Variants in SACS observed in about 807,000 individuals in gnomAD.
SACS encodes the protein sacsin.
Under a neutral mutation model 348.0 loss-of-function variants are expected in SACS, and 197 were observed. The observed-to-expected ratio is 0.57, with a 90% confidence interval of 0.50 to 0.64. SACS has a LOEUF of 0.64. Among genes scored for constraint, SACS ranks in the 30% least tolerant of loss-of-function variants. The probability of loss-of-function intolerance (pLI) is 0.00; values close to 1 mark genes in which losing one functional copy is unlikely to be tolerated. For missense variants in SACS, 4,999 were observed against 5,360.8 expected (o/e 0.93, Z 2.11); for synonymous variants, 1,985 against 1,910.6 (o/e 1.04, Z -1.02).
Position 23,334,440 on chromosome 13 carries a change from T to C in SACS, c.9436A>G (p.Asn3146Asp), listed in dbSNP as rs1429622546. Residue 3146 changes from asparagine (N) to aspartate (D), a missense_variant, in exon 10 of 10, where the codon AAT (asparagine) becomes GAT (aspartate). Physicochemically the swap from Asn to Asp is conservative, Grantham distance 23. Around this residue, in one of 6 missense-constraint regions of SACS, gnomAD observed 734 missense variants for 694.0 expected, o/e 1.06. Transcript: ENST00000382292. Reference protein sequence around the residue: ...VDYCFKDAEENEIEVEGLPLL... With the variant: ...VDYCFKDAEEDEIEVEGLPLL... ...GGCAATCCCTCAACTTCAATCTCAT[T>C]TTCTTCTGCATCTTTAAAACAATAA... 6.2e-7 allele frequency: 1 copy of C among 1,612,618 alleles called. No homozygotes were observed. The highest frequency in any genetic ancestry group is 1.1e-5 in the South Asian group (1 of 91,072).
Position 23,340,785 on chromosome 13 carries a change from G to A in SACS, c.3091C>T (p.Leu1031Phe), listed in dbSNP as rs1869133471. 6.2e-7 allele frequency: 1 copy of A among 1,606,074 alleles called. No homozygotes were observed. Among genetic ancestry groups the A allele is most frequent in the Non-Finnish European group, 8.5e-7 (1 of 1,176,338 alleles). ...SSLKNENPNV[L>F]EWLTPLKFIQ... Reference sequence around the variant, plus strand: ...AATTTTAATGGTGTTAACCACTCAAGCACATTTGGATTCTCATTTTTAAGA... The same window carrying A: ...AATTTTAATGGTGTTAACCACTCAAACACATTTGGATTCTCATTTTTAAGA... The change falls in exon 10 of 10, where the codon CTT (leucine) becomes TTT (phenylalanine). Residue 1031 changes from leucine (L) to phenylalanine (F), a missense_variant. Physicochemically the swap from Leu to Phe is conservative, Grantham distance 22. This residue lies in a region of SACS where 3,156 missense variants were observed against 3,380.1 expected (regional missense o/e 0.93). Transcript: ENST00000382292.
At chr13:23,433,207 C>T (rs1228666954) in intron 1 of SACS, among the ~76,000 whole-genome samples, 1 of 152,164 alleles carries the variant, frequency 6.6e-6, no homozygotes, top group Non-Finnish European at 1.5e-5. Flanking sequence ...GGACCCCACG[C>T]TGTGTTACTG....
At chr13:23,396,609 A>C (rs1161401163) in intron 2 of SACS, among the ~76,000 whole-genome samples, 1 of 152,192 alleles carries the variant, frequency 6.6e-6, no homozygotes, top group Non-Finnish European at 1.5e-5. Flanking sequence ...AAGATGCAGT[A>C]AAAATGAATT....
At position 23,341,297 on chromosome 13, in the gene SACS, T is replaced by C. The variant is rs1324275160; in HGVS notation, c.2579A>G (p.Gln860Arg). The change falls in exon 10 of 10, where the codon CAA (glutamine) becomes CGA (arginine). Residue 860 changes from glutamine to arginine, a missense_variant. Physicochemically the swap from Gln to Arg is conservative, Grantham distance 43 (BLOSUM62 1). Around this residue, in one of 6 missense-constraint regions of SACS, gnomAD observed 3,156 missense variants for 3,380.1 expected, o/e 0.93. Coordinates refer to ENST00000382292, the MANE Select transcript of SACS (RefSeq NM_014363.6). Reference protein sequence around the residue: ...FVLKKLDASIQHPLIKKYIHS... With the variant: ...FVLKKLDASIRHPLIKKYIHS... ...AATATATTTTTTAATAAGCGGATGT[T>C]GTATAGATGCATCTAATTTTTTAAG... 2 of 1,607,970 alleles carry C rather than the reference T, an allele frequency of 1.2e-6. No homozygotes were observed. Among genetic ancestry groups the C allele is most frequent in the African/African-American group, 2.7e-5 (2 of 74,630 alleles).
In SACS at chr13:23,331,826, C is replaced by G; in HGVS notation, c.12050G>C (p.Arg4017Thr). ...ATTATCATTTTCATGCTTCATAATT[C>G]TAATCAGTCCTGTAATGAACTGTTC... ...SSEQFITGLI[R>T]IMKHENDNAF... The change falls in exon 10 of 10, where the codon AGA becomes ACA. Residue 4017 changes from arginine to threonine, a missense_variant. Coordinates refer to ENST00000382292, the MANE Select transcript of SACS (RefSeq NM_014363.6). 1 of 1,614,018 alleles carries G rather than the reference C, an allele frequency of 6.2e-7. No homozygotes were observed. The highest frequency in any genetic ancestry group is 8.5e-7 in the Non-Finnish European group (1 of 1,179,944).
chr13:23,393,429 C>T (rs1303087291), intron 2 of SACS, among the ~76,000 whole-genome samples: 3 of 152,148 alleles, frequency 2.0e-5, no homozygotes, highest in Non-Finnish European at 4.4e-5. Flanking sequence ...TGGCCCCAAG[C>T]CCACGTCCTC....
At position 23,337,278 on chromosome 13, in the gene SACS, C is replaced by A; in HGVS notation, c.6598G>T (p.Asp2200Tyr). Residue 2200 changes from aspartate (D) to tyrosine (Y), a missense_variant, in exon 10 of 10, where the codon GAT becomes TAT. This residue lies in a region of SACS where 3,156 missense variants were observed against 3,380.1 expected (regional missense o/e 0.93). Coordinates refer to ENST00000382292, the MANE Select transcript of SACS (RefSeq NM_014363.6). Reference sequence around the variant, plus strand: ...GCAGCAAAATCCTTTGCTCTAGGATCCCTTATTTTTAGTTTCTCATCGATA... The same window carrying A: ...GCAGCAAAATCCTTTGCTCTAGGATACCTTATTTTTAGTTTCTCATCGATA... ...SLIDEKLKIR[D>Y]PRAKDFAAKY... 6.2e-7 allele frequency: 1 copy of A among 1,613,800 alleles called. No individual in the cohort carries two copies. The highest frequency in any genetic ancestry group is 8.5e-7 in the Non-Finnish European group (1 of 1,179,862).
At position 23,334,484 on chromosome 13, in the gene SACS, C is replaced by G. The variant is rs763877740; in HGVS notation, c.9392G>C (p.Ser3131Thr). The part of the protein sequence containing the change: ...LQQTNLKLFH[S>T]LKLLVDYCFK... ...ACAATAATCAACTAAAAGTTTTAAA[C>G]TATGAAAAAGTTTTAGATTAGTCTG... is the stretch of plus-strand genomic sequence containing the variant. Residue 3131 changes from serine to threonine, a missense_variant, in exon 10 of 10, where the codon AGT (serine) becomes ACT (threonine). Coordinates refer to ENST00000382292, the MANE Select transcript of SACS (RefSeq NM_014363.6). 2 of 1,612,822 alleles carry G rather than the reference C, an allele frequency of 1.2e-6. No homozygotes were observed. The highest frequency in any genetic ancestry group is 1.7e-6 in the Non-Finnish European group (2 of 1,179,752).
chr13:23,383,830 C>T (rs1409638639), intron 2 of SACS, among the ~76,000 whole-genome samples: 1 of 152,146 alleles, frequency 6.6e-6, no homozygotes, highest in Non-Finnish European at 1.5e-5. Context: ...TTGCTAAGTC[C>T]CCCTCTGGAG....
chr13:23,422,419 A>G (rs1023172090), intron 1 of SACS, among the ~76,000 whole-genome samples: 1 of 152,218 alleles, frequency 6.6e-6, no homozygotes, highest in African/African-American at 2.4e-5. Flanking sequence ...CCACATGTGA[A>G]TATACAAATA....
rs200346760 is a variant in SACS, at chr13:23,336,390, G to C, written c.7486C>G (p.Leu2496Val). 2.5e-6 allele frequency: 4 copies of C among 1,614,072 alleles called. No individual in the cohort carries two copies. Among genetic ancestry groups the C allele is most frequent in the East Asian group, 2.2e-5 (1 of 44,876 alleles). The change falls in exon 10 of 10, where the codon CTA (leucine) becomes GTA (valine). Residue 2496 changes from leucine (L) to valine (V), a missense_variant. Coordinates refer to ENST00000382292, the MANE Select transcript of SACS (RefSeq NM_014363.6). ...ADIPREVAVK[L>V]GAVPKRHKAL... ...TTGTGTCGCTTTGGGACTGCTCCTA[G>C]TTTTACTGCTACTTCCCTGGGTATG...
chr13:23,425,160 T>G (rs1026926005), intron 1 of SACS, among the ~76,000 whole-genome samples: 3 of 151,836 alleles, frequency 2.0e-5, no homozygotes, highest in Non-Finnish European at 2.9e-5. Context: ...GGTCAGGGTG[T>G]CCACCTGGGG....
chr13:23,420,079 G>T (rs4770444), intron 1 of SACS, among the ~76,000 whole-genome samples: 149,398 of 152,246 alleles, frequency 0.98, 73,359 homozygotes, highest in East Asian at 1. Context: ...GATAGTCACC[G>T]GGGGACTGGG....
chr13:23,368,064 T>TTGGCTGGC lies in SACS; in HGVS notation c.345+330_345+337dup, dbSNP rs1170591714. On this transcript the variant is annotated intron_variant, in intron 5 of 9. Coordinates refer to ENST00000382292, the MANE Select transcript of SACS (RefSeq NM_014363.6). ...TCGTAGAATGTATTTGGCTGGCCGG[T>TTGGCTGGC]TGGCTGGCTGGCTGGTTGGTTGGTT... Among the ~76,000 whole-genome samples, 55 of 151,310 alleles carry TTGGCTGGC rather than the reference T, an allele frequency of 3.6e-4. 1 individual carries two copies. The highest frequency in any genetic ancestry group is 1.3e-3 in the African/African-American group (52 of 41,212).
At chr13:23,370,791 TG>T (rs2137813903) in intron 4 of SACS, among the ~76,000 whole-genome samples, 1 of 152,256 alleles carries the variant, frequency 6.6e-6, no homozygotes, top group Non-Finnish European at 1.5e-5. Context: ...GGTAAAACCC[TG>T]TCTATACTAA....
Position 23,338,173 on chromosome 13 carries a change from T to G in SACS, c.5703A>C (p.Lys1901Asn), listed in dbSNP as rs1166173975. ...TATTCCATCGTCCTTTTGTATCTGTTTTCCAGATTTCTTTCCTATTTGATG... is the reference window on the plus strand; with the variant it reads ...TATTCCATCGTCCTTTTGTATCTGTGTTCCAGATTTCTTTCCTATTTGATG... ...AVTSNRKEIW[K>N]TDTKGRWNTT... Residue 1901 changes from lysine (K) to asparagine (N), a missense_variant, in exon 10 of 10, where the codon AAA becomes AAC. Transcript: ENST00000382292. 6.2e-7 allele frequency: 1 copy of G among 1,614,160 alleles called. No individual in the cohort carries two copies.
chr13:23,331,092 G>C lies in SACS; in HGVS notation c.12784C>G (p.Pro4262Ala). The C allele has an allele frequency of 6.2e-7, 1 of 1,614,134 alleles. No individual in the cohort carries two copies. The highest frequency in any genetic ancestry group is 8.5e-7 in the Non-Finnish European group (1 of 1,179,990). ...GTGAGGAACTCAGTGGGGCTGGTTG[G>C]TGTAGAAGGAGCACTGTCCCTGCTT... is the stretch of plus-strand genomic sequence containing the variant. Reference protein sequence around the residue: ...SQSRDSAPSTPTSPTEFLTPG... With the variant: ...SQSRDSAPSTATSPTEFLTPG... The change falls in exon 10 of 10, where the codon CCA becomes GCA. Residue 4262 changes from proline (P) to alanine (A), a missense_variant. Coordinates refer to ENST00000382292, the MANE Select transcript of SACS (RefSeq NM_014363.6).
In SACS at chr13:23,338,039, C is replaced by T. The variant is rs1566066886; in HGVS notation, c.5837G>A (p.Trp1946Ter). ...ATCATGAACTAAATCAGGATCGGGC[C>T]ATACTGCATAGTAAGTATAATCCAT... Reference protein sequence around the residue: ...ELMDYTYYAVWPDPDLVHDDF... With the variant: ...ELMDYTYYAV The change falls in exon 10 of 10, where the codon TGG (tryptophan) becomes TAG (stop). Residue 1946 changes from tryptophan to a stop codon, truncating the protein, a stop_gained. Transcript: ENST00000382292. LOFTEE classifies it high-confidence loss of function. The T allele has an allele frequency of 1.2e-6, 2 of 1,613,780 alleles. No individual in the cohort carries two copies. Among genetic ancestry groups the T allele is most frequent in the Non-Finnish European group, 1.7e-6 (2 of 1,179,852 alleles).
intron 1 of SACS, among the ~76,000 whole-genome samples, chr13:23,412,893 A>G (rs939937487): frequency 7.2e-5 from 11 of 152,252 alleles, no homozygotes; most frequent in African/African-American, 2.4e-4. Flanking sequence ...GAAAAAAATG[A>G]CAAACTTTCT....
Sources: allele counts gnomAD v4.1 joint callset (sites outside exome capture counted in the v4.1 genomes callset), GRCh38; gene constraint gnomAD v4.1.1; regional missense constraint gnomAD v4.1.1; transcripts MANE v1.5; gene names NCBI Gene and HGNC (gene_info 2026-07-23, HGNC 2026-07-21).